Variants in MGAT1 observed in about 807,000 individuals in gnomAD.
MGAT1 encodes alpha-1,3-mannosyl-glycoprotein 2-beta-N-acetylglucosaminyltransferase.
In MGAT1, 14 loss-of-function variants were observed where a neutral mutation model predicts 31.7. The observed-to-expected ratio is 0.44, with a 90% confidence interval of 0.29 to 0.69. The LOEUF is 0.69. Ranked by LOEUF, MGAT1 falls within the 30% of genes least tolerant of loss-of-function variation. The pLI is 0.12. For synonymous variants in MGAT1, 338 were observed against 276.0 expected (o/e 1.22, Z -2.23); for missense variants, 557 against 626.0 (o/e 0.89, Z 1.18).
Position 180,791,644 on chromosome 5 carries a change from C to G in MGAT1, c.1328G>C (p.Ser443Thr). Residue 443 changes from serine (S) to threonine (T), a missense_variant, in exon 2 of 2, where the codon AGC becomes ACC. Physicochemically the swap from Ser to Thr is moderately conservative, Grantham distance 58 (BLOSUM62 1). Around this residue, in one of 3 missense-constraint regions of MGAT1, gnomAD observed 145 missense variants for 143.2 expected, o/e 1.01. Transcript: ENST00000307826. ...AAGGACAGGCAGGTGCTAATTCCAG[C>G]TAGGATCATAGCCCTCCCACGTCAG... Reference protein sequence around the residue: ...PPLTWEGYDPSWN With the variant: ...PPLTWEGYDPTWN 6.2e-7 allele frequency: 1 copy of G among 1,613,250 alleles called. No individual in the cohort carries two copies. The highest frequency in any genetic ancestry group is 8.5e-7 in the Non-Finnish European group (1 of 1,179,844).
chr5:180,798,633 C>T (rs1303671024), intron 1 of MGAT1, among the ~76,000 whole-genome samples: 1 of 152,230 alleles, frequency 6.6e-6, no homozygotes, highest in South Asian at 2.1e-4. Flanking sequence ...CCAAGAAGCA[C>T]TAAAACACAG....
chr5:180,791,673 G>A lies in MGAT1; in HGVS notation c.1299C>T (p.Pro433=), dbSNP rs770473303. 2.5e-5 allele frequency: 41 copies of A among 1,613,726 alleles called. No individual in the cohort carries two copies. In the Admixed American group the frequency reaches 4.5e-4, roughly 18 times the overall value. The change falls in exon 2 of 2, where the codon CCC becomes CCT. Residue 433 remains proline (P), a synonymous_variant. Transcript: ENST00000307826. ...GATCATAGCCCTCCCACGTCAGTGG[G>A]GGCGCCAGGTGGACACGGCGGCCCC... ...QFRGRRVHLA[P]PLTWEGYDPS... is the part of the protein sequence containing the mutation.
In MGAT1 at chr5:180,792,476, CG is replaced by C; in HGVS notation, c.495del (p.Asp166ThrfsTer2). On this transcript the variant is annotated frameshift_variant, in exon 2 of 2. Transcript: ENST00000307826. LOFTEE classifies it high-confidence loss of function. ...YGSAVTHIRQ[P>X]DLSSIAVPPD... Reference sequence around the variant, plus strand: ...GGCGGCACCGCAATGCTGCTCAGGTCGGGCTGCCGGATGTGCGTGACCGCGC... The same window carrying C: ...GGCGGCACCGCAATGCTGCTCAGGTCGGCTGCCGGATGTGCGTGACCGCGC... 1 of 1,612,800 alleles carries C rather than the reference CG, an allele frequency of 6.2e-7. No homozygotes were observed. Among genetic ancestry groups the C allele is most frequent in the Non-Finnish European group, 8.5e-7 (1 of 1,179,850 alleles).
intron 1 of MGAT1, among the ~76,000 whole-genome samples, chr5:180,800,529 C>T (rs1770517341): frequency 6.6e-6 from 1 of 152,210 alleles, no homozygotes; most frequent in Admixed American, 6.5e-5. Context: ...AGCAGGAGTG[C>T]TCACTAGAAC....
chr5:180,810,676 CCCT>C (rs150377408), intron 1 of MGAT1: 11,462 of 132,586 alleles, frequency 0.086, 541 homozygotes, highest in East Asian at 0.21. Flanking sequence ...GTGACCCCCC[CCCT>C]CCGCCCCACG....
At chr5:180,804,726 G>A (rs900653148), upstream of MGAT1, among the ~76,000 whole-genome samples, 3 of 152,206 alleles carry the variant, frequency 2.0e-5, no homozygotes, top group African/African-American at 7.2e-5. Context: ...AAGACATGAG[G>A]AGCCAAAATC....
chr5:180,799,532 T>C (rs1251130402), intron 1 of MGAT1, among the ~76,000 whole-genome samples: 1 of 152,056 alleles, frequency 6.6e-6, no homozygotes, highest in Non-Finnish European at 1.5e-5. Flanking sequence ...ACTCCCACCT[T>C]CCTCCTTAGG....
intron 1 of MGAT1, among the ~76,000 whole-genome samples, chr5:180,815,066 G>T (rs555118617): frequency 1.4e-4 from 22 of 152,310 alleles, no homozygotes; most frequent in Middle Eastern, 6.8e-3. Context: ...GCTGCATTTG[G>T]TGAGAGCCCT....
In MGAT1 at chr5:180,791,895, G is replaced by A. The variant is rs141785123; in HGVS notation, c.1077C>T (p.Leu359=). The A allele has an allele frequency of 1.3e-5, 21 of 1,614,212 alleles. No homozygotes were observed. The highest frequency in any genetic ancestry group is 1.1e-4 in the South Asian group (10 of 91,090). ...GCTGGGGAGCACCGTAGACGCGGGCGAGGAAATCTCGGTCATAGGCCTCCC... is the reference window on the plus strand; with the variant it reads ...GCTGGGGAGCACCGTAGACGCGGGCAAGGAAATCTCGGTCATAGGCCTCCC... ...LQREAYDRDF[L]ARVYGAPQLQ... is the part of the protein sequence containing the mutation. The change falls in exon 2 of 2, where the codon CTC becomes CTT. Residue 359 remains leucine (L), a synonymous_variant. Transcript: ENST00000307826.
At chr5:180,813,837 T>C (rs946959097) in intron 1 of MGAT1, among the ~76,000 whole-genome samples, 1 of 152,118 alleles carries the variant, frequency 6.6e-6, no homozygotes, top group African/African-American at 2.4e-5. Context: ...CCTGAGTAGG[T>C]GAACCTAATT....
rs1216140898 is a variant in MGAT1 at position 180,788,331 on chromosome 5, C to T, written c.*3303G>A. ...ACCGCAGGCCCCAAACTCTACTCCT[C>T]CCGCCATCTCTCCTGGACCTCCCCG... On this transcript the variant is annotated 3_prime_UTR_variant, in exon 2 of 2. Coordinates refer to ENST00000307826, the MANE Select transcript of MGAT1 (RefSeq NM_002406.4). The T allele has an allele frequency of 1.4e-5, 2 of 142,120 alleles. No individual in the cohort carries two copies. Among genetic ancestry groups the T allele is most frequent in the African/African-American group, 3.0e-5 (1 of 33,878 alleles). 8.8% of individuals were successfully genotyped at this position (142,120 alleles called of 1,614,324 possible). A position where few individuals can be genotyped will look rare whatever the true frequency, so the allele number is the denominator to read the frequency against.
chr5:180,804,465 T>C (rs191774982), upstream of MGAT1, among the ~76,000 whole-genome samples: 483 of 152,354 alleles, frequency 3.2e-3, no homozygotes, highest in South Asian at 0.011. Flanking sequence ...GGCCGCCGTG[T>C]GCAGTGTGCG....
At chr5:180,808,007 G>A (rs149361215) in intron 2 of MGAT1, among the ~76,000 whole-genome samples, 4 of 152,328 alleles carry the variant, frequency 2.6e-5, no homozygotes, top group African/African-American at 9.6e-5. Context: ...AAGGGACCTG[G>A]AAAGTCAGTT....
At position 180,814,033 on chromosome 5, in the gene MGAT1, A is replaced by C. The variant is rs567775381; in HGVS notation, c.-546+1381T>G. ...ATAACTGGCAGTAAAAGTCTTCCCC[A>C]GTAACCCTGATTTTCAATGTTTTGT... On this transcript the variant is annotated intron_variant, in intron 1 of 2. Transcript: ENST00000333055. 1.1e-4 allele frequency among the ~76,000 whole-genome samples: 17 copies of C among 152,326 alleles called. No individual in the cohort carries two copies. The South Asian group carries it at 3.5e-3, about 32-fold the overall frequency.
At chr5:180,797,515 G>A (rs1368883717) in intron 1 of MGAT1, among the ~76,000 whole-genome samples, 1 of 151,160 alleles carries the variant, frequency 6.6e-6, no homozygotes, top group Non-Finnish European at 1.5e-5. Context: ...GGACCCTTGA[G>A]ATAACTTCTG....
chr5:180,813,152 CGTTT>C (rs1433868823), intron 1 of MGAT1, among the ~76,000 whole-genome samples: 23 of 151,468 alleles, frequency 1.5e-4, no homozygotes, highest in Non-Finnish European at 2.8e-4. Flanking sequence ...TTGTTGAAGG[CGTTT>C]GTTTGATATG....
intron 1 of MGAT1, among the ~76,000 whole-genome samples, chr5:180,812,608 A>G (rs1454664570): frequency 6.6e-6 from 1 of 152,188 alleles, no homozygotes; most frequent in African/African-American, 2.4e-5. Flanking sequence ...TACAAATTTC[A>G]CAGTCCAAAG....
Position 180,792,091 on chromosome 5 carries a change from C to A in MGAT1, c.881G>T (p.Arg294Leu). The change falls in exon 2 of 2, where the codon CGG becomes CTG. Residue 294 changes from arginine (R) to leucine (L), a missense_variant. Around this residue, in one of 3 missense-constraint regions of MGAT1, gnomAD observed 245 missense variants for 332.9 expected, o/e 0.74. Coordinates refer to ENST00000307826, the MANE Select transcript of MGAT1 (RefSeq NM_002406.4). ...PKAFWDDWMR[R>L]PEQRQGRACI... ...GGCCCGCCCCTGCCGCTGCTCCGGC[C>A]GCCGCATCCAGTCGTCCCAGAAGGC... is the stretch of plus-strand genomic sequence containing the variant. 2.5e-6 allele frequency: 4 copies of A among 1,613,302 alleles called. No homozygotes were observed. The highest frequency in any genetic ancestry group is 2.5e-6 in the Non-Finnish European group (3 of 1,179,890).
At position 180,791,351 on chromosome 5, in the gene MGAT1, G is replaced by C; in HGVS notation, c.*283C>G. The C allele has an allele frequency of 2.0e-6, 1 of 512,414 alleles. No individual in the cohort carries two copies. Among genetic ancestry groups the C allele is most frequent in the Non-Finnish European group, 3.5e-6 (1 of 287,376 alleles). 31.7% of individuals were successfully genotyped at this position (512,414 alleles called of 1,614,324 possible). A position where few individuals can be genotyped will look rare whatever the true frequency, so the allele number is the denominator to read the frequency against. On this transcript the variant is annotated 3_prime_UTR_variant, in exon 2 of 2. Transcript: ENST00000307826. ...CATGCTCCAGGAGAAAGCTCAGGAC[G>C]TGGACATTTCTGGCCCCAACAAGCC...
Sources: allele counts gnomAD v4.1 joint callset (sites outside exome capture counted in the v4.1 genomes callset), GRCh38; gene constraint gnomAD v4.1.1; regional missense constraint gnomAD v4.1.1; transcripts MANE v1.5; gene names NCBI Gene and HGNC (gene_info 2026-07-23, HGNC 2026-07-21).